The following PPP1R12A variants were observed in gnomAD, a reference collection of about 807,000 sequenced individuals.
PPP1R12A encodes the protein protein phosphatase 1 regulatory subunit 12A.
Under a neutral mutation model 139.6 loss-of-function variants are expected in PPP1R12A, and 19 were observed. The ratio of observed to expected loss-of-function variants is 0.14; its 90% CI spans 0.09 to 0.20. The LOEUF (loss-of-function observed/expected upper bound fraction) is 0.20, where lower values mean the gene tolerates loss of function less well. PPP1R12A is among the 10% of genes least tolerant of loss of function. PPP1R12A has a pLI of 1.00. For synonymous variants in PPP1R12A, 427 were observed against 420.6 expected, an observed-to-expected ratio of 1.02 and a Z score of -0.19; for missense variants, 925 against 1,211.5, an observed-to-expected ratio of 0.76 and a Z score of 3.51.
At chr12:79,906,061 GCATCAAAATATT>G (rs1204157971) in intron 1 of PPP1R12A, among the ~76,000 whole-genome samples, 3 of 152,020 alleles carry the variant, frequency 2.0e-5, no homozygotes, top group Non-Finnish European at 2.9e-5. Flanking sequence ...AAAATCTTAT[GCATCAAAATATT>G]CATCAAAATA....
chr12:79,789,553 GTAAA>G lies in PPP1R12A; in HGVS notation c.2667-774_2667-771del, dbSNP rs1409112807. 3.1e-5 allele frequency: 13 copies of G among 424,138 alleles called. No homozygotes were observed. The East Asian group carries it at 9.4e-4, about 31-fold the overall frequency. The allele number at this position is 424,138 out of a possible 1,614,324, so 26.3% of individuals were successfully genotyped here. The stretch of plus-strand genomic sequence containing the variant: ...TAAGCAGGAAAAACATATCTTACTG[GTAAA>G]GGAGAATTCTCTTATTATCTGGTTC... On this transcript the variant is annotated intron_variant, in intron 20 of 24. Coordinates refer to ENST00000450142, the MANE Select transcript of PPP1R12A (RefSeq NM_002480.3).
At chr12:79,814,931 T>C (rs1173378510) in intron 9 of PPP1R12A, among the ~76,000 whole-genome samples, 1 of 151,814 alleles carries the variant, frequency 6.6e-6, no homozygotes, top group Non-Finnish European at 1.5e-5. Flanking sequence ...AAGTAAGTTA[T>C]GGTGCTTGAA....
intron 11 of PPP1R12A, 91 bp downstream of exon 11, chr12:79,808,392 C>T (rs776656144): frequency 1.6e-5 from 14 of 877,204 alleles, no homozygotes; most frequent in African/African-American, 5.0e-5. Flanking sequence ...AATACATATC[C>T]GCACATAATT....
intron 1 of PPP1R12A, among the ~76,000 whole-genome samples, chr12:79,902,156 A>G (rs1885705612): frequency 6.6e-6 from 1 of 152,212 alleles, no homozygotes. Flanking sequence ...ACTACTTCAT[A>G]TATCTCCAAT....
At chr12:79,794,026 T>C (rs1449338848) in intron 18 of PPP1R12A, 98 bp from the exon 19 acceptor site, 1 of 819,000 alleles carries the variant, frequency 1.2e-6, no homozygotes, top group African/African-American at 1.8e-5. Context: ...TCTCTCAGAA[T>C]ATACATTGAG....
intron 14 of PPP1R12A, among the ~76,000 whole-genome samples, chr12:79,799,211 C>T (rs955274064): frequency 3.9e-5 from 6 of 151,990 alleles, no homozygotes; most frequent in Admixed American, 2.6e-4. Flanking sequence ...TGCAGTGGCG[C>T]GATCTCAGCT....
chr12:79,793,532 CTTTTTCT>C (rs1248407040), intron 19 of PPP1R12A, among the ~76,000 whole-genome samples: 2 of 151,778 alleles, frequency 1.3e-5, no homozygotes, highest in African/African-American at 4.8e-5. Context: ...TCTTTTTTTG[CTTTTTCT>C]TTTAACTCCG....
chr12:79,849,683 T>C (rs1879823563), intron 2 of PPP1R12A, among the ~76,000 whole-genome samples: 1 of 152,198 alleles, frequency 6.6e-6, no homozygotes, highest in Non-Finnish European at 1.5e-5. Context: ...ACTGGGCTAC[T>C]TTTCAAATGA....
intron 1 of PPP1R12A, among the ~76,000 whole-genome samples, chr12:79,904,735 G>C (rs1248137070): frequency 6.6e-6 from 1 of 152,170 alleles, no homozygotes; most frequent in African/African-American, 2.4e-5. Flanking sequence ...AGCATCTGCA[G>C]ATTTCACTTG....
intron 2 of PPP1R12A, among the ~76,000 whole-genome samples, chr12:79,856,150 C>T (rs1304564195): frequency 6.6e-6 from 1 of 152,144 alleles, no homozygotes; most frequent in African/African-American, 2.4e-5. Flanking sequence ...TCCAAAAAAA[C>T]AGTCTGAAAG....
At chr12:79,915,045 A>G (rs925244677) in intron 1 of PPP1R12A, among the ~76,000 whole-genome samples, 1 of 152,084 alleles carries the variant, frequency 6.6e-6, no homozygotes, top group Non-Finnish European at 1.5e-5. Flanking sequence ...CCTAACTAAT[A>G]TATGCACAAA....
intron 1 of PPP1R12A, among the ~76,000 whole-genome samples, chr12:79,874,603 C>G (rs1415506547): frequency 6.6e-6 from 1 of 151,764 alleles, no homozygotes; most frequent in Non-Finnish European, 1.5e-5. Flanking sequence ...TACATATAAC[C>G]TGCAGAAACA....
chr12:79,889,449 A>G (rs1006267066), intron 1 of PPP1R12A, among the ~76,000 whole-genome samples: 2 of 152,226 alleles, frequency 1.3e-5, no homozygotes, highest in Non-Finnish European at 2.9e-5. Flanking sequence ...CCTCATGCCA[A>G]GTGAGCCACA....
At chr12:79,932,040 T>C (rs891113600) in intron 1 of PPP1R12A, among the ~76,000 whole-genome samples, 1 of 152,180 alleles carries the variant, frequency 6.6e-6, no homozygotes, top group Non-Finnish European at 1.5e-5. Context: ...GTGATGTTCC[T>C]AAAACTTTTC....
chr12:79,806,226 G>C lies in PPP1R12A; in HGVS notation c.1763C>G (p.Ser588Cys). ...SAAGLQKSLL[S>C]STSTTTKITT... is the part of the protein sequence containing the mutation. ...AATCTTTGTAGTAGTGCTTGTGCTG[G>C]AAAGCAGGCTTTTCTGAAGCCCAGC... The change falls in exon 13 of 25, where the codon TCC becomes TGC. Residue 588 changes from serine (S) to cysteine (C), a missense_variant. This residue lies in a region of PPP1R12A where 403 missense variants were observed against 463.7 expected (regional missense o/e 0.87). Transcript: ENST00000450142. 6.2e-7 allele frequency: 1 copy of C among 1,613,974 alleles called. No individual in the cohort carries two copies. Among genetic ancestry groups the C allele is most frequent in the Non-Finnish European group, 8.5e-7 (1 of 1,179,852 alleles).
At chr12:79,812,625 C>G (rs1489300693) in intron 9 of PPP1R12A, among the ~76,000 whole-genome samples, 3 of 151,996 alleles carry the variant, frequency 2.0e-5, no homozygotes, top group African/African-American at 7.2e-5. Flanking sequence ...TTCTCCAGTC[C>G]AGTCTCCTAA....
chr12:79,812,697 G>T (rs1199986133), intron 9 of PPP1R12A, among the ~76,000 whole-genome samples: 4 of 151,850 alleles, frequency 2.6e-5, no homozygotes, highest in Non-Finnish European at 2.9e-5. Context: ...ATTCTAGAGT[G>T]GACAATCTAG....
intron 3 of PPP1R12A, among the ~76,000 whole-genome samples, chr12:79,836,980 C>G (rs1471991865): frequency 6.6e-6 from 1 of 152,004 alleles, no homozygotes; most frequent in Non-Finnish European, 1.5e-5. Flanking sequence ...TATGGTTGTT[C>G]TGAAAACTAA....
intron 23 of PPP1R12A, among the ~76,000 whole-genome samples, chr12:79,781,351 A>G (rs1470314151): frequency 2.6e-5 from 4 of 152,026 alleles, no homozygotes; most frequent in African/African-American, 9.7e-5. Context: ...AAAATTTTAA[A>G]AAATTATTAA....
Sources: gnomAD v4.1 joint callset for allele counts (sites outside exome capture counted in the v4.1 genomes callset) on GRCh38, gnomAD v4.1.1 for gene constraint, gnomAD v4.1.1 regional missense constraint, MANE v1.5 for transcripts, NCBI Gene and HGNC (gene_info 2026-07-23, HGNC 2026-07-21) for gene names.